The following IKZF1 variants were observed in gnomAD, a reference collection of about 807,000 sequenced individuals.
IKZF1 encodes the protein DNA-binding protein Ikaros.
IKZF1 carries 10 observed loss-of-function variants against 51.7 expected under a neutral mutation model. The ratio of observed to expected loss-of-function variants is 0.19; its 90% confidence interval spans 0.12 to 0.33. The LOEUF is 0.33. IKZF1 is among the 10% of genes least tolerant of loss of function. IKZF1 has a pLI of 1.00. For missense variants in IKZF1, 484 were observed against 707.5 expected, an observed-to-expected ratio of 0.68 and a Z score of 3.58; for synonymous variants, 280 against 282.3, an observed-to-expected ratio of 0.99 and a Z score of 0.08.
intron 7 of IKZF1, among the ~76,000 whole-genome samples, chr7:50,393,100 TGGAAAA>T (rs1815657220): frequency 1.3e-5 from 2 of 151,834 alleles, no homozygotes; most frequent in African/African-American, 4.8e-5. Flanking sequence ...AAAAAATGAC[TGGAAAA>T]GGGAGACTGT....
chr7:50,310,897 C>T (rs1231348561), intron 1 of IKZF1, among the ~76,000 whole-genome samples: 3 of 152,158 alleles, frequency 2.0e-5, no homozygotes, highest in African/African-American at 7.2e-5. Context: ...TTCAGTGGAA[C>T]CCCTCGAAGG....
intron 5 of IKZF1, 115 bp downstream of exon 5, chr7:50,382,822 G>A (rs942536349): frequency 1.2e-5 from 15 of 1,297,428 alleles, no homozygotes; most frequent in Non-Finnish European, 1.6e-5. Context: ...CTCCCAGCTC[G>A]CAGTCCTGCA....
chr7:50,384,817 G>A (rs2153481660), intron 5 of IKZF1, among the ~76,000 whole-genome samples: 1 of 152,336 alleles, frequency 6.6e-6, no homozygotes, highest in East Asian at 1.9e-4. Flanking sequence ...TTAGTGGGAA[G>A]CACCACTTCC....
chr7:50,328,087 A>T (rs959856809), intron 3 of IKZF1: 1 of 213,394 alleles, frequency 4.7e-6, no homozygotes, highest in Non-Finnish European at 9.4e-6. Context: ...AGATCGTGAA[A>T]ATTACACACT....
chr7:50,333,786 T>A (rs1164086392), intron 3 of IKZF1, among the ~76,000 whole-genome samples: 1 of 152,218 alleles, frequency 6.6e-6, no homozygotes, highest in African/African-American at 2.4e-5. Flanking sequence ...ATAGTTGAAT[T>A]ATTGTTCAGT....
At chr7:50,356,909 G>C (rs904665546) in intron 3 of IKZF1, among the ~76,000 whole-genome samples, 2 of 151,848 alleles carry the variant, frequency 1.3e-5, no homozygotes, top group Non-Finnish European at 2.9e-5. Flanking sequence ...GGAAGATCAC[G>C]GGGTGGCAGA....
chr7:50,335,374 TGTG>T (rs1316547008), intron 3 of IKZF1, among the ~76,000 whole-genome samples: 4 of 149,546 alleles, frequency 2.7e-5, no homozygotes, highest in African/African-American at 9.9e-5. Flanking sequence ...ATGTGTGGTG[TGTG>T]GTGTGTATGT....
chr7:50,334,725 G>A (rs1238475842), intron 3 of IKZF1, among the ~76,000 whole-genome samples: 1 of 151,698 alleles, frequency 6.6e-6, no homozygotes, highest in Non-Finnish European at 1.5e-5. Context: ...GATGTGTGGT[G>A]TGCAGTGTGT....
intron 4 of IKZF1, chr7:50,377,472 G>A (rs962584993): frequency 6.6e-6 from 1 of 152,428 alleles, no homozygotes; most frequent in Non-Finnish European, 1.5e-5. Flanking sequence ...GTCCAGAAAG[G>A]AAGGAACACG....
intron 3 of IKZF1, among the ~76,000 whole-genome samples, chr7:50,364,469 T>C (rs1806224391): frequency 6.6e-6 from 1 of 152,268 alleles, no homozygotes; most frequent in South Asian, 2.1e-4. Context: ...ACCTGTTTTA[T>C]CTGCATCCTT....
chr7:50,393,137 T>A (rs1268552210), intron 7 of IKZF1, among the ~76,000 whole-genome samples: 1 of 151,754 alleles, frequency 6.6e-6, no homozygotes, highest in African/African-American at 2.4e-5. Context: ...GCAGCAGGCA[T>A]GGAAAGAAGG....
chr7:50,327,530 C>G lies in IKZF1; in HGVS notation c.41-108C>G, dbSNP rs553222625. 3.6e-4 allele frequency: 474 copies of G among 1,311,378 alleles called. No homozygotes were observed. In the African/African-American group the frequency reaches 6.2e-3, roughly 17 times the overall value. The allele number at this position is 1,311,378 out of a possible 1,614,324, so 81.2% of individuals were successfully genotyped here. ...GCATCCCAGCAGAGAAGCACTGGCT[C>G]CACCCAGTACCTGCCTCCTCATGCC... is the stretch of plus-strand genomic sequence containing the variant. On this transcript the variant is annotated intron_variant, in intron 2 of 7. Coordinates refer to ENST00000331340, the MANE Select transcript of IKZF1 (RefSeq NM_006060.6).
At chr7:50,310,621 G>C (rs776945424) in intron 1 of IKZF1, among the ~76,000 whole-genome samples, 2 of 152,164 alleles carry the variant, frequency 1.3e-5, no homozygotes, top group Non-Finnish European at 2.9e-5. Context: ...TGGACCTTAC[G>C]ATGTGATGAA....
intron 3 of IKZF1, among the ~76,000 whole-genome samples, chr7:50,364,287 G>A (rs1001941698): frequency 6.6e-6 from 1 of 152,166 alleles, no homozygotes; most frequent in Non-Finnish European, 1.5e-5. Context: ...TTCCCATAAT[G>A]TTCATCAATT....
At chr7:50,321,066 C>T (rs1012330316) in intron 2 of IKZF1, among the ~76,000 whole-genome samples, 6 of 152,088 alleles carry the variant, frequency 3.9e-5, no homozygotes, top group Non-Finnish European at 8.8e-5. Context: ...AAATTACATA[C>T]ACATACATAT....
intron 3 of IKZF1, among the ~76,000 whole-genome samples, chr7:50,357,290 G>T (rs936036014): frequency 3.9e-5 from 6 of 152,068 alleles, no homozygotes; most frequent in Admixed American, 2.6e-4. Flanking sequence ...CTGGAACCAG[G>T]CCCTGCATCC....
At position 50,402,822 on chromosome 7, in the gene IKZF1, G is replaced by A; in HGVS notation, c.*2195G>A. On this transcript the variant is annotated 3_prime_UTR_variant, in exon 8 of 8. Transcript: ENST00000331340. ...GAATAAACAAAATTGCTGCACCAAT[G>A]CACTGAGTGAAGGAAGAGAGACAGA... 8.7e-6 allele frequency: 2 copies of A among 230,226 alleles called. No homozygotes were observed. Among genetic ancestry groups the A allele is most frequent in the Non-Finnish European group, 1.7e-5 (2 of 116,028 alleles). 14.3% of individuals were successfully genotyped at this position (230,226 alleles called of 1,614,324 possible).
chr7:50,396,001 G>T (rs1371982688), intron 7 of IKZF1, among the ~76,000 whole-genome samples: 2 of 152,058 alleles, frequency 1.3e-5, no homozygotes, highest in East Asian at 1.9e-4. Context: ...ATGCCTGAGG[G>T]TTCTTTATTT....
chr7:50,390,310 A>G, intron 6 of IKZF1, among the ~76,000 whole-genome samples: 1 of 152,250 alleles, frequency 6.6e-6, no homozygotes, highest in Admixed American at 6.5e-5. Flanking sequence ...TGGACATGTC[A>G]GGAAGCATAT....
Sources: allele counts gnomAD v4.1 joint callset (sites outside exome capture counted in the v4.1 genomes callset), GRCh38; gene constraint gnomAD v4.1.1; transcripts MANE v1.5; gene names NCBI Gene and HGNC (gene_info 2026-07-23, HGNC 2026-07-21).